Variants in ABI3BP observed in about 807,000 individuals in gnomAD.
ABI3BP encodes target of Nesh-SH3.
In ABI3BP, 216 loss-of-function variants were observed where a neutral mutation model predicts 268.6. The observed-to-expected ratio is 0.80, with a 90% confidence interval of 0.72 to 0.90. ABI3BP has a LOEUF of 0.90. ABI3BP is among the 40% of genes least tolerant of loss of function. The pLI, the probability that ABI3BP is intolerant of heterozygous loss-of-function variation, is 0.00. For synonymous variants in ABI3BP, 730 were observed against 730.0 expected, an observed-to-expected ratio of 1.00 and a Z score of 0.00; for missense variants, 2,090 against 2,182.4, an observed-to-expected ratio of 0.96 and a Z score of 0.84.
chr3:100,751,527 T>G (rs773733511), intron 67 of ABI3BP, 25 bp downstream of exon 67: 14 of 1,560,728 alleles, frequency 9.0e-6, no homozygotes, highest in Non-Finnish European at 1.1e-5. Flanking sequence ...AACTCTGTTC[T>G]TATGAGGAGG....
At chr3:100,805,549 C>G (rs1043505837) in intron 50 of ABI3BP, among the ~76,000 whole-genome samples, 5 of 151,930 alleles carry the variant, frequency 3.3e-5, no homozygotes, top group African/African-American at 1.2e-4. Context: ...AAGTTTACAC[C>G]CTTTGAGTCT....
intron 34 of ABI3BP, among the ~76,000 whole-genome samples, chr3:100,827,275 A>C (rs1394464562): frequency 6.6e-6 from 1 of 152,122 alleles, no homozygotes; most frequent in Non-Finnish European, 1.5e-5. Context: ...TTCTACTACA[A>C]AAAGGGAAGA....
chr3:100,986,224 T>C (rs1243422750), intron 1 of ABI3BP, among the ~76,000 whole-genome samples: 1 of 152,184 alleles, frequency 6.6e-6, no homozygotes, highest in East Asian at 1.9e-4. Context: ...TGACCAATGA[T>C]CCTCAAGGAA....
intron 3 of ABI3BP, among the ~76,000 whole-genome samples, chr3:100,899,251 A>C (rs182631828): frequency 3.3e-5 from 5 of 152,330 alleles, no homozygotes; most frequent in Admixed American, 3.3e-4. Context: ...ATAAACAAAC[A>C]CACATACACA....
At chr3:100,819,844 G>C (rs1477817681) in intron 40 of ABI3BP, among the ~76,000 whole-genome samples, 1 of 151,248 alleles carries the variant, frequency 6.6e-6, no homozygotes, top group Non-Finnish European at 1.5e-5. Context: ...AGCTACTCAG[G>C]AGGCTGAGGC....
intron 12 of ABI3BP, chr3:100,863,329 T>C (rs1315666872): frequency 6.3e-6 from 1 of 159,462 alleles, no homozygotes; most frequent in Non-Finnish European, 1.4e-5. Context: ...CCTCTTTTTT[T>C]TTTTTGAGAT....
chr3:100,752,546 C>T (rs984308182), intron 66 of ABI3BP: 2 of 391,902 alleles, frequency 5.1e-6, no homozygotes, highest in Admixed American at 3.9e-5. Context: ...AATGTACATT[C>T]CAGTTTGTCA....
chr3:100,941,782 T>C (rs1007985982), intron 1 of ABI3BP, among the ~76,000 whole-genome samples: 1 of 152,324 alleles, frequency 6.6e-6, no homozygotes, highest in African/African-American at 2.4e-5. Flanking sequence ...GTAGGAAAAC[T>C]GCTTTTCAAA....
chr3:100,959,566 T>C (rs971481395), intron 1 of ABI3BP, among the ~76,000 whole-genome samples: 1 of 149,148 alleles, frequency 6.7e-6, no homozygotes, highest in African/African-American at 2.5e-5. Flanking sequence ...CCCCTATCAA[T>C]TGGCTAATAA....
In ABI3BP at chr3:100,848,739, A is replaced by AT. The variant is rs1468665765; in HGVS notation, c.1576+61dup. 6 of 1,528,076 alleles carry AT rather than the reference A, an allele frequency of 3.9e-6. No individual in the cohort carries two copies. The African/African-American group carries it at 8.2e-5, about 21-fold the overall frequency. The allele number at this position is 1,528,076 out of a possible 1,614,324, so 94.7% of individuals were successfully genotyped here. ...ACTGCACCTGGCTATCCTTCTTACT[A>AT]TAAGAAAATGGACATTGTCTATCTG... On this transcript the variant is annotated intron_variant, in intron 18 of 67. Transcript: ENST00000471714.
At chr3:100,918,925 A>G (rs1295976420) in intron 2 of ABI3BP, among the ~76,000 whole-genome samples, 3 of 152,226 alleles carry the variant, frequency 2.0e-5, no homozygotes, top group African/African-American at 7.2e-5. Context: ...TAGGAAGTTT[A>G]AAACTCTTGG....
chr3:100,841,006 T>C, intron 21 of ABI3BP, 148 bp from the exon 22 acceptor site: 1 of 640,526 alleles, frequency 1.6e-6, no homozygotes, highest in East Asian at 2.8e-5. Context: ...AAGTTTCTTT[T>C]CTACTTCAAT....
chr3:100,949,868 C>T (rs1159786750), intron 1 of ABI3BP, among the ~76,000 whole-genome samples: 1 of 152,118 alleles, frequency 6.6e-6, no homozygotes, highest in Non-Finnish European at 1.5e-5. Context: ...AGTTGGAAAA[C>T]CTGTGTTCAA....
At chr3:100,805,932 C>T (rs1249960535) in intron 50 of ABI3BP, among the ~76,000 whole-genome samples, 1 of 151,958 alleles carries the variant, frequency 6.6e-6, no homozygotes, top group Non-Finnish European at 1.5e-5. Context: ...TGAGTATATT[C>T]TGATTTTCAC....
intron 38 of ABI3BP, 67 bp downstream of exon 38, chr3:100,822,522 G>T: frequency 7.1e-7 from 1 of 1,418,324 alleles, no homozygotes. Context: ...CCAACCACTG[G>T]GATTACTCTT....
intron 20 of ABI3BP, among the ~76,000 whole-genome samples, chr3:100,842,705 A>T (rs1178203743): frequency 6.6e-6 from 1 of 152,222 alleles, no homozygotes; most frequent in Non-Finnish European, 1.5e-5. Context: ...TCCAATGTTT[A>T]TTCAAACTAG....
chr3:100,906,415 A>G (rs1411430858), intron 2 of ABI3BP, among the ~76,000 whole-genome samples: 2 of 152,202 alleles, frequency 1.3e-5, no homozygotes, highest in Admixed American at 1.3e-4. Flanking sequence ...TTTTGGGAGT[A>G]TTTGTGCTCT....
At chr3:100,823,642 C>T (rs755936969) in intron 36 of ABI3BP, 128 bp from the exon 37 acceptor site, 20 of 701,148 alleles carry the variant, frequency 2.9e-5, no homozygotes, top group Non-Finnish European at 4.3e-5. Context: ...AACTTCTTAA[C>T]TGAAGGAAAG....
rs1251252290 is a variant in ABI3BP at position 100,817,514 on chromosome 3, A to G, written c.3089-19T>C. The stretch of plus-strand genomic sequence containing the variant: ...GTAACAACTAGACAAAAATAATAAA[A>G]TAAAGCAAAAAGATTTAACTTGAAT... On this transcript the variant is annotated intron_variant, in intron 41 of 67. Coordinates refer to ENST00000471714, the MANE Select transcript of ABI3BP (RefSeq NM_001375547.2). 2 of 1,415,766 alleles carry G rather than the reference A, an allele frequency of 1.4e-6. No individual in the cohort carries two copies. Among genetic ancestry groups the G allele is most frequent in the Non-Finnish European group, 1.9e-6 (2 of 1,065,312 alleles). The allele number at this position is 1,415,766 out of a possible 1,614,324, so 87.7% of individuals were successfully genotyped here.
Sources: allele counts gnomAD v4.1 joint callset (sites outside exome capture counted in the v4.1 genomes callset), GRCh38; gene constraint gnomAD v4.1.1; transcripts MANE v1.5; gene names NCBI Gene and HGNC (gene_info 2026-07-23, HGNC 2026-07-21).